Variants in MBD5 observed in about 807,000 individuals in gnomAD.
MBD5 encodes the protein methyl-CpG-binding domain protein 5.
MBD5 carries 13 observed loss-of-function variants against 117.3 expected under a neutral mutation model. That is an observed-to-expected ratio of 0.11 (90% CI 0.07 to 0.18). The LOEUF is 0.18. Among genes scored for constraint, MBD5 ranks in the 10% least tolerant of loss-of-function variants. The pLI is 1.00. For missense variants in MBD5, 1,879 were observed against 2,093.8 expected (o/e 0.90, Z 2.00); for synonymous variants, 727 against 766.4 (o/e 0.95, Z 0.85).
intron 2 of MBD5, among the ~76,000 whole-genome samples, chr2:148,217,404 G>A (rs1699584250): frequency 6.6e-6 from 1 of 152,172 alleles, no homozygotes; most frequent in Non-Finnish European, 1.5e-5. Flanking sequence ...GACAGCACAG[G>A]GTATGGAGCA....
At chr2:148,490,737 T>C in intron 11 of MBD5, 143 bp downstream of exon 11, 8 of 1,009,306 alleles carry the variant, frequency 7.9e-6, no homozygotes, top group Non-Finnish European at 1.2e-5. Context: ...TTCTGGAGCA[T>C]AAAATGAAGA....
At chr2:148,301,285 G>A (rs1027296058) in intron 3 of MBD5, among the ~76,000 whole-genome samples, 1 of 152,196 alleles carries the variant, frequency 6.6e-6, no homozygotes, top group Admixed American at 6.5e-5. Context: ...GGGACAGTGT[G>A]TCTGGAAGAT....
chr2:148,144,536 G>A (rs1220106919), intron 1 of MBD5, among the ~76,000 whole-genome samples: 5 of 152,176 alleles, frequency 3.3e-5, no homozygotes, highest in African/African-American at 1.2e-4. Context: ...CCTATGTCCT[G>A]AATGGTATTG....
At chr2:148,456,520 A>C (rs1003834853) in intron 4 of MBD5, among the ~76,000 whole-genome samples, 4 of 152,156 alleles carry the variant, frequency 2.6e-5, no homozygotes, top group African/African-American at 7.2e-5. Context: ...TAGCACATAT[A>C]GTAGCTGCTC....
intron 3 of MBD5, among the ~76,000 whole-genome samples, chr2:148,260,334 A>C (rs776080709): frequency 3.9e-5 from 6 of 152,210 alleles, no homozygotes; most frequent in Admixed American, 6.5e-5. Context: ...AGCCATAAGA[A>C]GCAACTGCTC....
At chr2:148,289,068 A>G (rs1434325936) in intron 3 of MBD5, among the ~76,000 whole-genome samples, 1 of 152,200 alleles carries the variant, frequency 6.6e-6, no homozygotes, top group East Asian at 1.9e-4. Context: ...TGGTTATTGA[A>G]CTACTTTTGT....
intron 3 of MBD5, among the ~76,000 whole-genome samples, chr2:148,304,738 G>T (rs1343485346): frequency 6.6e-6 from 1 of 152,128 alleles, no homozygotes; most frequent in Non-Finnish European, 1.5e-5. Flanking sequence ...GAGGCAAGGA[G>T]AATTCTGGCT....
intron 1 of MBD5, among the ~76,000 whole-genome samples, chr2:148,107,171 G>A (rs1309964372): frequency 6.6e-6 from 1 of 151,904 alleles, no homozygotes; most frequent in Non-Finnish European, 1.5e-5. Context: ...ATTTTGAGGG[G>A]GCATAGAATT....
chr2:148,095,333 G>C (rs1696040756), intron 1 of MBD5, among the ~76,000 whole-genome samples: 2 of 151,964 alleles, frequency 1.3e-5, no homozygotes, highest in Non-Finnish European at 2.9e-5. Flanking sequence ...CTACTTCTTT[G>C]TGATATTTCT....
intron 1 of MBD5, among the ~76,000 whole-genome samples, chr2:148,163,893 T>G (rs1698068237): frequency 6.6e-6 from 1 of 152,222 alleles, no homozygotes; most frequent in African/African-American, 2.4e-5. Context: ...TAACCACTTT[T>G]ATATAATGAT....
At chr2:148,306,474 A>T (rs1386028917) in intron 3 of MBD5, among the ~76,000 whole-genome samples, 2 of 152,194 alleles carry the variant, frequency 1.3e-5, no homozygotes, top group African/African-American at 4.8e-5. Flanking sequence ...TATACAAACA[A>T]CTATATTGCC....
chr2:148,131,682 C>A (rs2105471987), intron 1 of MBD5, among the ~76,000 whole-genome samples: 1 of 152,174 alleles, frequency 6.6e-6, no homozygotes, highest in Non-Finnish European at 1.5e-5. Context: ...TGACAAAGAG[C>A]AAAACCCTGT....
Position 148,236,817 on chromosome 2 carries a change from A to G in MBD5, c.-680+3422A>G, listed in dbSNP as rs868212378. On this transcript the variant is annotated intron_variant, in intron 3 of 13. Transcript: ENST00000642680. ...CTTTTCTTCTAGTTACGAAAATCCC[A>G]GGTGGCATCTTCTTCCAATTGAAGG... Among the ~76,000 whole-genome samples the G allele has an allele frequency of 2.4e-4, 36 of 152,288 alleles. No homozygotes were observed. In the Middle Eastern group the frequency reaches 0.031, roughly 129 times the overall value.
At chr2:148,088,460 A>G (rs1695854720) in intron 1 of MBD5, among the ~76,000 whole-genome samples, 1 of 152,174 alleles carries the variant, frequency 6.6e-6, no homozygotes, top group South Asian at 2.1e-4. Context: ...CTGTGAGTCT[A>G]AAGCATCAGG....
intron 2 of MBD5, among the ~76,000 whole-genome samples, chr2:148,227,185 G>A (rs1478316536): frequency 6.6e-6 from 1 of 152,166 alleles, no homozygotes; most frequent in East Asian, 1.9e-4. Context: ...GGAAGTCCTT[G>A]CCCATGCCTA....
chr2:148,381,124 CTT>C (rs1413737901), intron 4 of MBD5, among the ~76,000 whole-genome samples: 1 of 152,144 alleles, frequency 6.6e-6, no homozygotes, highest in Non-Finnish European at 1.5e-5. Flanking sequence ...CAGAGAATGA[CTT>C]TGACAAATTG....
At chr2:148,180,622 C>T (rs1698508266) in intron 2 of MBD5, among the ~76,000 whole-genome samples, 1 of 151,836 alleles carries the variant, frequency 6.6e-6, no homozygotes. Flanking sequence ...CATCAACCTC[C>T]TAGGCTCAAG....
At chr2:148,379,099 A>G (rs1407559257) in intron 4 of MBD5, among the ~76,000 whole-genome samples, 1 of 152,130 alleles carries the variant, frequency 6.6e-6, no homozygotes. Context: ...TAATATTTAA[A>G]GAGCTCATGG....
Position 148,451,241 on chromosome 2 carries a change from G to T in MBD5, c.-556-6962G>T, listed in dbSNP as rs7584494. Among the ~76,000 whole-genome samples, 1,142 of 152,200 alleles carry T rather than the reference G, an allele frequency of 7.5e-3. 16 individuals carry two copies. The highest frequency in any genetic ancestry group is 0.026 in the African/African-American group (1,087 of 41,520). On this transcript the variant is annotated intron_variant, in intron 4 of 13. Transcript: ENST00000642680. ...AGAGTTATTGGATCGCTTACAAAGG[G>T]TGTATCTGAGAGGTATATTTTGGAA...
Sources: gnomAD v4.1 joint callset for allele counts (sites outside exome capture counted in the v4.1 genomes callset) on GRCh38, gnomAD v4.1.1 for gene constraint, MANE v1.5 for transcripts, NCBI Gene and HGNC (gene_info 2026-07-23, HGNC 2026-07-21) for gene names.